Variants in FREM2 observed in about 807,000 individuals in gnomAD.
FREM2 encodes the protein FRAS1 related extracellular matrix 2.
In FREM2, 119 loss-of-function variants were observed where a neutral mutation model predicts 219.9. That is an observed-to-expected ratio of 0.54 (90% confidence interval 0.47 to 0.63). FREM2 has a LOEUF of 0.63. Ranked by LOEUF, FREM2 falls within the 30% of genes least tolerant of loss-of-function variation. FREM2 has a pLI of 0.00. For synonymous variants in FREM2, 1,562 were observed against 1,522.8 expected, an observed-to-expected ratio of 1.03 and a Z score of -0.60; for missense variants, 4,030 against 3,993.6, an observed-to-expected ratio of 1.01 and a Z score of -0.25.
chr13:38,836,932 C>T lies in FREM2; in HGVS notation c.6020-9641C>T, dbSNP rs111472380. Among the ~76,000 whole-genome samples, 1,054 of 151,208 alleles carry T rather than the reference C, an allele frequency of 7.0e-3. 7 individuals are homozygous for T. The highest frequency in any genetic ancestry group is 0.024 in the African/African-American group (994 of 41,368). ...CATTGATTTTTTAAAGGGTTTTTTG[C>T]GTCTCTACTTCAGTTCTGCTCTGAT... On this transcript the variant is annotated intron_variant, in intron 6 of 23. Coordinates refer to ENST00000280481, the MANE Select transcript of FREM2 (RefSeq NM_207361.6).
chr13:38,754,340 G>A (rs960184524), intron 2 of FREM2, among the ~76,000 whole-genome samples: 3 of 152,052 alleles, frequency 2.0e-5, no homozygotes, highest in African/African-American at 7.3e-5. Flanking sequence ...AAACTCACTC[G>A]GATGACAGTT....
At chr13:38,754,892 G>GATTATTATTATTATT (rs1380525716) in intron 2 of FREM2, among the ~76,000 whole-genome samples, 141 of 76,690 alleles carry the variant, frequency 1.8e-3, no homozygotes, top group Middle Eastern at 0.015. Flanking sequence ...TGATGATGAT[G>GATTATTATTATTATT]ATGATGATGA....
rs1039455002 is a variant in FREM2 at position 38,721,989 on chromosome 13, C to T, written c.5263+24202C>T. 3.7e-4 allele frequency among the ~76,000 whole-genome samples: 57 copies of T among 152,082 alleles called. 1 individual carries two copies. The highest frequency in any genetic ancestry group is 7.4e-5 in the Non-Finnish European group (5 of 68,018). ...AAGACAGCCCCAGTAATCTAAATCC[C>T]TGGTACTGGGACACAAACATTGATT... On this transcript the variant is annotated intron_variant, in intron 2 of 23. Transcript: ENST00000280481.
At chr13:38,789,777 CTTTA>C (rs912944299) in intron 6 of FREM2, among the ~76,000 whole-genome samples, 79 of 150,150 alleles carry the variant, frequency 5.3e-4, no homozygotes, top group Non-Finnish European at 3.0e-5. Flanking sequence ...TTCTATCATG[CTTTA>C]TTTTTTCTTC....
At chr13:38,879,665 C>G (rs1445352561) in intron 23 of FREM2, among the ~76,000 whole-genome samples, 2 of 152,178 alleles carry the variant, frequency 1.3e-5, no homozygotes, top group Non-Finnish European at 2.9e-5. Context: ...CTTAAGAAAG[C>G]ATGTTTGTTA....
chr13:38,861,228 T>C (rs1030187824), intron 14 of FREM2, among the ~76,000 whole-genome samples: 1 of 152,228 alleles, frequency 6.6e-6, no homozygotes, highest in Non-Finnish European at 1.5e-5. Context: ...AATTGTCAAG[T>C]GGCCACTAAC....
chr13:38,723,364 A>G (rs764751150), intron 2 of FREM2, among the ~76,000 whole-genome samples: 7 of 152,196 alleles, frequency 4.6e-5, no homozygotes, highest in Non-Finnish European at 1.0e-4. Flanking sequence ...TTTGTTAAAT[A>G]TGATCAGATT....
rs766649464 is a variant in FREM2 at position 38,688,889 on chromosome 13, C to T, written c.1545C>T (p.Gly515=). 1.4e-5 allele frequency: 23 copies of T among 1,612,730 alleles called. No homozygotes were observed. In the South Asian group the frequency reaches 2.4e-4, roughly 17 times the overall value. Residue 515 remains glycine, a synonymous_variant, in exon 1 of 24, where the codon GGC becomes GGT. Transcript: ENST00000280481. ...KSFTVAELAA[G]QVVYQHDDRD... ...TTACAGTGGCTGAGCTGGCAGCCGG[C>T]CAGGTGGTCTACCAGCATGATGACA...
At chr13:38,746,266 G>C (rs1233070604) in intron 2 of FREM2, among the ~76,000 whole-genome samples, 1 of 152,132 alleles carries the variant, frequency 6.6e-6, no homozygotes, top group African/African-American at 2.4e-5. Flanking sequence ...TTGCAAAACA[G>C]ATAAGTAGGG....
intron 23 of FREM2, among the ~76,000 whole-genome samples, chr13:38,879,301 G>A (rs999983561): frequency 2.6e-5 from 4 of 152,172 alleles, no homozygotes; most frequent in Admixed American, 1.3e-4. Flanking sequence ...ATAAATCTGT[G>A]TCTGACAGTT....
At chr13:38,879,530 T>A (rs1878469453) in intron 23 of FREM2, among the ~76,000 whole-genome samples, 1 of 152,070 alleles carries the variant, frequency 6.6e-6, no homozygotes, top group Non-Finnish European at 1.5e-5. Context: ...TGCCACAAAT[T>A]TCAAGAGGTG....
chr13:38,832,503 C>T (rs1876548776), intron 6 of FREM2, among the ~76,000 whole-genome samples: 2 of 151,944 alleles, frequency 1.3e-5, no homozygotes, highest in East Asian at 1.9e-4. Flanking sequence ...TAGGAAATAA[C>T]CAGTTAGTGG....
chr13:38,694,373 C>T (rs1450626119), intron 1 of FREM2, among the ~76,000 whole-genome samples: 4 of 152,142 alleles, frequency 2.6e-5, no homozygotes, highest in Non-Finnish European at 5.9e-5. Flanking sequence ...GGTATTCAAT[C>T]ACATGGCACT....
intron 6 of FREM2, among the ~76,000 whole-genome samples, chr13:38,814,965 T>G (rs1001567000): frequency 1.3e-5 from 2 of 152,110 alleles, no homozygotes; most frequent in African/African-American, 4.8e-5. Flanking sequence ...TTCAGGACAG[T>G]GGGCTCCCCT....
At chr13:38,818,773 G>C (rs918344990) in intron 6 of FREM2, among the ~76,000 whole-genome samples, 6 of 151,960 alleles carry the variant, frequency 3.9e-5, no homozygotes, top group Non-Finnish European at 8.8e-5. Flanking sequence ...GACCAGCCTG[G>C]CCAACATAGT....
intron 14 of FREM2, among the ~76,000 whole-genome samples, chr13:38,859,997 A>G (rs766605627): frequency 3.9e-5 from 6 of 152,154 alleles, no homozygotes; most frequent in Admixed American, 6.5e-5. Context: ...TGAAAAGAGT[A>G]GAGGAAAACA....
intron 1 of FREM2, among the ~76,000 whole-genome samples, chr13:38,696,445 A>G (rs1300334479): frequency 6.6e-6 from 1 of 152,188 alleles, no homozygotes; most frequent in East Asian, 1.9e-4. Flanking sequence ...CATAGCATGA[A>G]CTTACTAGAG....
chr13:38,755,696 C>T (rs1404141597), intron 2 of FREM2, among the ~76,000 whole-genome samples: 2 of 152,198 alleles, frequency 1.3e-5, no homozygotes, highest in African/African-American at 2.4e-5. Flanking sequence ...AATCAGCTTC[C>T]ATGAGGTCTG....
At position 38,882,907 on chromosome 13, in the gene FREM2, CTG is replaced by C. The variant is rs1189041930; in HGVS notation, c.*2122_*2123del. The C allele has an allele frequency of 6.6e-6, 1 of 152,168 alleles. No homozygotes were observed. The highest frequency in any genetic ancestry group is 1.5e-5 in the Non-Finnish European group (1 of 68,030). The allele number at this position is 152,168 out of a possible 1,614,324, so 9.4% of individuals were successfully genotyped here. The stretch of plus-strand genomic sequence containing the variant: ...CCGAGCCTATCATGCAATTTGGAGT[CTG>C]TCAATGAATATAGCAATCGGTGAAG... On this transcript the variant is annotated 3_prime_UTR_variant, in exon 24 of 24. Coordinates refer to ENST00000280481, the MANE Select transcript of FREM2 (RefSeq NM_207361.6).
Sources: allele counts gnomAD v4.1 joint callset (sites outside exome capture counted in the v4.1 genomes callset), GRCh38; gene constraint gnomAD v4.1.1; transcripts MANE v1.5; gene names NCBI Gene and HGNC (gene_info 2026-07-23, HGNC 2026-07-21).